AHRR: variants seen among roughly 807,000 people sequenced by gnomAD.
AHRR encodes ahR repressor.
A neutral mutation model predicts 44.0 loss-of-function variants in AHRR; 28 were observed. The ratio of observed to expected loss-of-function variants is 0.64; its 90% CI spans 0.47 to 0.87. The LOEUF (loss-of-function observed/expected upper bound fraction) is 0.87. AHRR is among the 40% of genes least tolerant of loss of function. The pLI, the probability that AHRR is intolerant of heterozygous loss-of-function variation, is 0.00. For synonymous variants in AHRR, 434 were observed against 407.0 expected (o/e 1.07, Z -0.80); for missense variants, 990 against 953.9 (o/e 1.04, Z -0.50).
rs1742233682 is a variant in AHRR, at chr5:338,993, T to C, written c.-10-4900T>C. On this transcript the variant is annotated intron_variant, in intron 1 of 10. Coordinates refer to ENST00000684583, the MANE Select transcript of AHRR (RefSeq NM_001377236.1). The surrounding 1 kb of genome is among the most constrained non-coding windows in gnomAD (Gnocchi z 4.1). The stretch of plus-strand genomic sequence containing the variant: ...TAAAAATCTGAATTCCAGTTGTTCA[T>C]TGCTAGTATCTAGAAACACAATTTA... Among the ~76,000 whole-genome samples, 1 of 152,224 alleles carries C rather than the reference T, an allele frequency of 6.6e-6. No homozygotes were observed.
intron 2 of AHRR, among the ~76,000 whole-genome samples, chr5:351,886 C>T (rs771722142): frequency 2.6e-5 from 4 of 152,214 alleles, no homozygotes; most frequent in Non-Finnish European, 4.4e-5. Context: ...ACAGCTTGCA[C>T]GTGTCAGCTC....
At chr5:352,005 GT>G (rs768927259) in intron 2 of AHRR, among the ~76,000 whole-genome samples, 5 of 152,382 alleles carry the variant, frequency 3.3e-5, no homozygotes, top group Non-Finnish European at 5.9e-5. Context: ...CCCAGGAAGG[GT>G]TAGTGTGGAA....
intron 1 of AHRR, among the ~76,000 whole-genome samples, chr5:331,523 G>A (rs1373615442): frequency 2.0e-5 from 3 of 151,998 alleles, no homozygotes; most frequent in South Asian, 2.1e-4. Flanking sequence ...GTTTGTTCTC[G>A]CTTTTCTAGT....
intron 8 of AHRR, 57 bp from the exon 9 acceptor site, chr5:432,406 C>CCACATGTCATCTTGTTCATCCGT: frequency 6.6e-7 from 1 of 1,513,832 alleles, no homozygotes; most frequent in South Asian, 1.1e-5. Flanking sequence ...CATGTTTCAT[C>CCACATGTCATCTTGTTCATCCGT]CACATGTCAT....
intron 1 of AHRR, among the ~76,000 whole-genome samples, chr5:335,539 G>A (rs1305038189): frequency 1.3e-5 from 2 of 152,228 alleles, no homozygotes; most frequent in Non-Finnish European, 2.9e-5. Flanking sequence ...GGGCAGAGCT[G>A]GACCAGGCAA....
rs750114679 is a variant in AHRR at position 438,164 on chromosome 5, A to G, written c.*3330A>G. On this transcript the variant is annotated 3_prime_UTR_variant, in exon 11 of 11. Transcript: ENST00000684583. ...TTAAAACTTATGCACTATAAATGCA[A>G]CTTTCTCTACTGCTTTCTCAGTGCC... The G allele has an allele frequency of 6.6e-6, 1 of 152,382 alleles. No individual in the cohort carries two copies. Among genetic ancestry groups the G allele is most frequent in the Non-Finnish European group, 1.5e-5 (1 of 68,048 alleles). The allele number at this position is 152,382 out of a possible 1,614,324, so 9.4% of individuals were successfully genotyped here.
At chr5:330,911 T>C (rs1741888585) in intron 1 of AHRR, among the ~76,000 whole-genome samples, 1 of 144,118 alleles carries the variant, frequency 6.9e-6, no homozygotes, top group Non-Finnish European at 1.5e-5. Flanking sequence ...TCTCGGTCTG[T>C]CACCCAGGCT....
rs1226595879 is a variant in AHRR at position 432,837 on chromosome 5, G to T, written c.1002G>T (p.Val334=). 2 of 1,613,858 alleles carry T rather than the reference G, an allele frequency of 1.2e-6. No homozygotes were observed. Among genetic ancestry groups the T allele is most frequent in the Middle Eastern group, 1.6e-4 (1 of 6,062 alleles). The stretch of plus-strand genomic sequence containing the variant: ...GCAGCAGAGAGAGCGGCGTTTTGGT[G>T]CTCAGGGAACAGACTGACGCTGGCC... ...GRSSRESGVL[V]LREQTDAGRW... is the part of the protein sequence containing the mutation. Residue 334 remains valine (V), a synonymous_variant, in exon 10 of 11, where the codon GTG becomes GTT. Transcript: ENST00000684583.
chr5:370,482 G>A lies in AHRR; in HGVS notation c.245-6128G>A, dbSNP rs1269104937. ...GAGCTTGAGCTGGAAGCAGGGGTGA[G>A]TGAAATCAGGTTCAAGGGAAATTTT... On this transcript the variant is annotated intron_variant, in intron 3 of 10. Coordinates refer to ENST00000684583, the MANE Select transcript of AHRR (RefSeq NM_001377236.1). This position sits in a 1 kb window ranked among gnomAD's most constrained non-coding sequence, Gnocchi z 4.5. Among the ~76,000 whole-genome samples the A allele has an allele frequency of 6.6e-6, 1 of 152,170 alleles. No individual in the cohort carries two copies. The highest frequency in any genetic ancestry group is 1.5e-5 in the Non-Finnish European group (1 of 68,024).
intron 5 of AHRR, chr5:420,888 G>GACCCACGCACGCAGCCACCC (rs1736067989): frequency 3.0e-6 from 1 of 337,910 alleles, no homozygotes; most frequent in Admixed American, 4.3e-5. Flanking sequence ...AGCACGCACA[G>GACCCACGCACGCAGCCACCC]ACCCACGCAC....
intron 2 of AHRR, among the ~76,000 whole-genome samples, chr5:347,324 A>T (rs1460254160): frequency 6.6e-6 from 1 of 152,212 alleles, no homozygotes; most frequent in Non-Finnish European, 1.5e-5. Context: ...TTGATTTTAC[A>T]TATAGTGTTC....
chr5:339,191 C>T (rs1377454122), intron 1 of AHRR, among the ~76,000 whole-genome samples: 5 of 152,196 alleles, frequency 3.3e-5, no homozygotes, highest in Non-Finnish European at 5.9e-5. Flanking sequence ...TCACTGTCAC[C>T]GCAGCCTCAA....
intron 4 of AHRR, among the ~76,000 whole-genome samples, chr5:407,709 T>C (rs1167608023): frequency 6.6e-6 from 1 of 152,168 alleles, no homozygotes; most frequent in East Asian, 1.9e-4. Context: ...CCAGCTAATT[T>C]TGTATTTTTA....
chr5:404,098 AG>A lies in AHRR; in HGVS notation c.352-9243del, dbSNP rs1735152810. On this transcript the variant is annotated intron_variant, in intron 4 of 10. Transcript: ENST00000684583. The surrounding 1 kb of genome is among the most constrained non-coding windows in gnomAD (Gnocchi z 4.1). ...TGAAGAAAAAGTCAGTTCCGTTGTC[AG>A]GGTTGGTCCAGGTTTGGGGTTACCC... 3.3e-6 allele frequency: 2 copies of A among 610,676 alleles called. No individual in the cohort carries two copies. The highest frequency in any genetic ancestry group is 6.2e-6 in the Non-Finnish European group (2 of 322,830). The allele number at this position is 610,676 out of a possible 1,614,324, so 37.8% of individuals were successfully genotyped here. A position where few individuals can be genotyped will look rare whatever the true frequency, so the allele number is the denominator to read the frequency against.
chr5:360,819 C>G (rs1392515202), intron 3 of AHRR, among the ~76,000 whole-genome samples: 1 of 152,142 alleles, frequency 6.6e-6, no homozygotes, highest in Non-Finnish European at 1.5e-5. Context: ...GATTTCTAAG[C>G]AAAGTGTTGA....
chr5:405,375 A>G lies in AHRR; in HGVS notation c.352-7969A>G, dbSNP rs998860769. On this transcript the variant is annotated intron_variant, in intron 4 of 10. Coordinates refer to ENST00000684583, the MANE Select transcript of AHRR (RefSeq NM_001377236.1). This position sits in a 1 kb window ranked among gnomAD's most constrained non-coding sequence, Gnocchi z 4.5. ...CGTGGTGGAGTTCAGGGTGATAACG[A>G]TGGGCTTCTTTACTGATGCCAAACC... is the stretch of plus-strand genomic sequence containing the variant. Among the ~76,000 whole-genome samples the G allele has an allele frequency of 6.6e-6, 1 of 152,146 alleles. No individual in the cohort carries two copies. The highest frequency in any genetic ancestry group is 6.5e-5 in the Admixed American group (1 of 15,268).
At chr5:373,808 G>A (rs1044196638) in intron 3 of AHRR, among the ~76,000 whole-genome samples, 5 of 151,086 alleles carry the variant, frequency 3.3e-5, no homozygotes, top group South Asian at 2.1e-4. Context: ...CGCGCCTGGC[G>A]CTCCCCGCGC....
intron 4 of AHRR, among the ~76,000 whole-genome samples, chr5:385,139 T>C (rs73034639): frequency 0.093 from 14,139 of 151,948 alleles, 2,163 homozygotes; most frequent in African/African-American, 0.32. Context: ...GCACTTCTTA[T>C]GGTGCAGGTC....
At position 397,136 on chromosome 5, in the gene AHRR, C is replaced by G. The variant is rs1235294879; in HGVS notation, c.352-16208C>G. ...CCTGACCATCCATGTTAGCCCCTGA[C>G]CATCCATGTTAGCCCCTGACCATCC... is the stretch of plus-strand genomic sequence containing the variant. On this transcript the variant is annotated intron_variant, in intron 4 of 10. Transcript: ENST00000684583. Among the ~76,000 whole-genome samples, 110 of 132,196 alleles carry G rather than the reference C, an allele frequency of 8.3e-4. 6 individuals are homozygous for G. Among genetic ancestry groups the G allele is most frequent in the Non-Finnish European group, 1.7e-3 (99 of 59,944 alleles). 86.7% of individuals were successfully genotyped at this position (132,196 alleles called of 152,430 possible). A position where few individuals can be genotyped will look rare whatever the true frequency, so the allele number is the denominator to read the frequency against.
Sources: allele counts gnomAD v4.1 joint callset (sites outside exome capture counted in the v4.1 genomes callset), GRCh38; gene constraint gnomAD v4.1.1; non-coding constraint Gnocchi (gnomAD v3.1); transcripts MANE v1.5; gene names NCBI Gene and HGNC (gene_info 2026-07-23, HGNC 2026-07-21).